CDK17: variants seen among roughly 807,000 people sequenced by gnomAD.
The protein encoded by CDK17 is cyclin-dependent kinase 17.
In CDK17, 24 loss-of-function variants were observed where a neutral mutation model predicts 77.6. The ratio of observed to expected loss-of-function variants is 0.31; its 90% CI spans 0.22 to 0.44. CDK17 has a LOEUF of 0.44. CDK17 is among the 20% of genes least tolerant of loss of function. CDK17 has a pLI of 1.00. For synonymous variants in CDK17, 203 were observed against 210.4 expected (o/e 0.96, Z 0.30); for missense variants, 429 against 622.5 (o/e 0.69, Z 3.31).
intron 1 of CDK17, among the ~76,000 whole-genome samples, chr12:96,397,569 G>T (rs530313611): frequency 6.6e-6 from 1 of 152,028 alleles, no homozygotes; most frequent in Non-Finnish European, 1.5e-5. Context: ...ATATTAACAA[G>T]ACTTTAATTC....
intron 1 of CDK17, among the ~76,000 whole-genome samples, chr12:96,385,246 AG>A (rs1485370093): frequency 4.8e-5 from 2 of 41,482 alleles, no homozygotes; most frequent in African/African-American, 1.8e-4. Flanking sequence ...CGGGAGGCGG[AG>A]AGGTTGCAGT....
At chr12:96,397,754 G>GA (rs531782328) in intron 1 of CDK17, among the ~76,000 whole-genome samples, 19 of 151,716 alleles carry the variant, frequency 1.3e-4, no homozygotes, top group African/African-American at 3.1e-4. Flanking sequence ...AAATATGCAG[G>GA]AAAAAAAATC....
intron 1 of CDK17, among the ~76,000 whole-genome samples, chr12:96,392,956 G>C (rs147889448): frequency 6.6e-6 from 1 of 152,130 alleles, no homozygotes; most frequent in African/African-American, 2.4e-5. Context: ...CACAGATAAC[G>C]GCTAATACAA....
intron 3 of CDK17, among the ~76,000 whole-genome samples, chr12:96,314,651 T>C (rs550760308): frequency 6.6e-5 from 10 of 152,310 alleles, no homozygotes; most frequent in Admixed American, 2.6e-4. Flanking sequence ...TTGTCAGTCA[T>C]TATCTAATAA....
At chr12:96,353,933 G>A (rs1230456186) in intron 1 of CDK17, among the ~76,000 whole-genome samples, 3 of 152,146 alleles carry the variant, frequency 2.0e-5, no homozygotes, top group African/African-American at 4.8e-5. Flanking sequence ...TGTTTAAAGT[G>A]TGAGTCTGAG....
intron 5 of CDK17, among the ~76,000 whole-genome samples, chr12:96,307,222 G>A (rs1241193050): frequency 2.6e-5 from 4 of 152,154 alleles, no homozygotes; most frequent in Non-Finnish European, 4.4e-5. Flanking sequence ...TTGAACCCGG[G>A]AGGCGAAGGT....
intron 1 of CDK17, among the ~76,000 whole-genome samples, chr12:96,391,065 C>T (rs979071906): frequency 5.4e-5 from 8 of 147,372 alleles, no homozygotes; most frequent in South Asian, 2.2e-4. Flanking sequence ...CCAACCTAAA[C>T]GACAGAGGGA....
Position 96,400,391 on chromosome 12 carries a change from C to A in CDK17, c.-435G>T. On this transcript the variant is annotated 5_prime_UTR_variant, in exon 1 of 17. Coordinates refer to ENST00000261211, the MANE Select transcript of CDK17 (RefSeq NM_002595.5). ...GAGCTCAGGAGACTGCGGGCGGCCG[C>A]GTTCGCTCCTTGCGTGTGCGTCGCT... 1 of 384,424 alleles carries A rather than the reference C, an allele frequency of 2.6e-6. No homozygotes were observed. The highest frequency in any genetic ancestry group is 4.6e-6 in the Non-Finnish European group (1 of 217,304). The allele number at this position is 384,424 out of a possible 1,614,324, so 23.8% of individuals were successfully genotyped here. A position where few individuals can be genotyped will look rare whatever the true frequency, so the allele number is the denominator to read the frequency against.
At chr12:96,347,715 T>C (rs1039361573) in intron 1 of CDK17, among the ~76,000 whole-genome samples, 61 of 151,544 alleles carry the variant, frequency 4.0e-4, no homozygotes, top group African/African-American at 1.4e-3. Flanking sequence ...CTATCAGATA[T>C]ACATAGTACA....
At chr12:96,320,098 T>G (rs1041474893) in intron 3 of CDK17, among the ~76,000 whole-genome samples, 1 of 152,090 alleles carries the variant, frequency 6.6e-6, no homozygotes, top group South Asian at 2.1e-4. Context: ...TTCAGCAAAG[T>G]CTCAGGATAC....
intron 4 of CDK17, among the ~76,000 whole-genome samples, chr12:96,311,985 G>T (rs1416560021): frequency 6.6e-6 from 1 of 152,114 alleles, no homozygotes; most frequent in Non-Finnish European, 1.5e-5. Context: ...AAGAGTATAT[G>T]TGTATATGGG....
At chr12:96,358,947 G>T (rs1340402115) in intron 1 of CDK17, among the ~76,000 whole-genome samples, 1 of 145,256 alleles carries the variant, frequency 6.9e-6, no homozygotes, top group Non-Finnish European at 1.5e-5. Context: ...ATTCTCAACA[G>T]ATGACTTTCC....
intron 1 of CDK17, among the ~76,000 whole-genome samples, chr12:96,372,852 G>A (rs895931156): frequency 1.3e-5 from 2 of 152,178 alleles, no homozygotes; most frequent in Non-Finnish European, 1.5e-5. Flanking sequence ...TTCCTATGAG[G>A]ATATAGAAAA....
intron 1 of CDK17, among the ~76,000 whole-genome samples, chr12:96,340,880 T>C (rs566607504): frequency 1.3e-5 from 2 of 152,284 alleles, no homozygotes; most frequent in African/African-American, 2.4e-5. Flanking sequence ...TACATGAACA[T>C]GTTTGTTATA....
At position 96,339,336 on chromosome 12, in the gene CDK17, T is replaced by C. The variant is rs144202008; in HGVS notation, c.-29-4471A>G. Among the ~76,000 whole-genome samples, 16 of 151,886 alleles carry C rather than the reference T, an allele frequency of 1.1e-4. No individual in the cohort carries two copies. In the East Asian group the frequency reaches 2.6e-3, roughly 24 times the overall value. On this transcript the variant is annotated intron_variant, in intron 1 of 16. Transcript: ENST00000261211. ...ACTGAGTTGTGCTGCAGCTGTAAAA[T>C]ACACAGTGGACTTTGGTTGCCAGGG... is the stretch of plus-strand genomic sequence containing the variant.
At chr12:96,399,962 C>T in intron 1 of CDK17, 24 bp downstream of exon 1, 1 of 374,210 alleles carries the variant, frequency 2.7e-6, no homozygotes, top group Non-Finnish European at 4.7e-6. Context: ...GAAAGCGCGG[C>T]GCGGACGCCA....
chr12:96,396,113 C>T (rs1386002658), intron 1 of CDK17, among the ~76,000 whole-genome samples: 2 of 152,222 alleles, frequency 1.3e-5, no homozygotes, highest in Non-Finnish European at 2.9e-5. Flanking sequence ...TTGCAGGTTA[C>T]TGCAGAACAC....
chr12:96,378,636 C>T (rs779103791), intron 1 of CDK17, among the ~76,000 whole-genome samples: 2 of 152,192 alleles, frequency 1.3e-5, no homozygotes, highest in Non-Finnish European at 2.9e-5. Context: ...TAAAGATCTA[C>T]AATTGCTTGT....
intron 1 of CDK17, among the ~76,000 whole-genome samples, chr12:96,383,604 G>T (rs1805613789): frequency 6.6e-6 from 1 of 152,048 alleles, no homozygotes; most frequent in African/African-American, 2.4e-5. Flanking sequence ...GGAGAATCTA[G>T]AAATAAAGTT....
Sources: allele counts gnomAD v4.1 joint callset (sites outside exome capture counted in the v4.1 genomes callset), GRCh38; gene constraint gnomAD v4.1.1; transcripts MANE v1.5; gene names NCBI Gene and HGNC (gene_info 2026-07-23, HGNC 2026-07-21).